PCDHGB1: variants seen among roughly 807,000 people sequenced by gnomAD.
The protein encoded by PCDHGB1 is protocadherin gamma-B1.
In PCDHGB1, 34 loss-of-function variants were observed where a neutral mutation model predicts 56.6. The observed-to-expected ratio is 0.60, with a 90% CI of 0.46 to 0.80. The LOEUF is 0.80. Among genes scored for constraint, PCDHGB1 ranks in the 30% least tolerant of loss-of-function variants. PCDHGB1 has a pLI of 0.00. For synonymous variants in PCDHGB1, 561 were observed against 505.9 expected (o/e 1.11, Z -1.46); for missense variants, 1,278 against 1,204.6 (o/e 1.06, Z -0.90).
chr5:141,447,428 G>A (rs542079336), intron 1 of PCDHGB1, among the ~76,000 whole-genome samples: 4 of 152,182 alleles, frequency 2.6e-5, no homozygotes, highest in East Asian at 1.9e-4. Flanking sequence ...GTGAGCCACC[G>A]CACCCGGAGG....
Position 141,490,772 on chromosome 5 carries a change from C to T in PCDHGB1, c.2410-4035C>T. ...GCCTCCTCCTTTGTGTATGTCAACC[C>T]AGAGGATGGACGGATCTTTGCCCAG... On this transcript the variant is annotated intron_variant, in intron 1 of 3. Coordinates refer to ENST00000523390, the MANE Select transcript of PCDHGB1 (RefSeq NM_018922.3). This position sits in a 1 kb window ranked among gnomAD's most constrained non-coding sequence, Gnocchi z 5.4. 6.2e-7 allele frequency: 1 copy of T among 1,614,164 alleles called. No homozygotes were observed. The highest frequency in any genetic ancestry group is 1.1e-5 in the South Asian group (1 of 91,082).
rs762612048 is a variant in PCDHGB1 at position 141,388,612 on chromosome 5, G to A, written c.2409+35943G>A. The A allele has an allele frequency of 2.5e-5, 40 of 1,613,954 alleles. No homozygotes were observed. The East Asian group carries it at 5.3e-4, about 22-fold the overall frequency. ...GCCAATGATAATGCTCCAGTGTTCAGTCAAGACGTATACAGGGTGAGCCTT... is the reference window on the plus strand; with the variant it reads ...GCCAATGATAATGCTCCAGTGTTCAATCAAGACGTATACAGGGTGAGCCTT... On this transcript the variant is annotated intron_variant, in intron 1 of 3. Coordinates refer to ENST00000523390, the MANE Select transcript of PCDHGB1 (RefSeq NM_018922.3).
chr5:141,388,636 T>G, intron 1 of PCDHGB1: 1 of 1,613,918 alleles, frequency 6.2e-7, no homozygotes. Context: ...AGGGTGAGCC[T>G]TTCAGAAAAC....
intron 2 of PCDHGB1, among the ~76,000 whole-genome samples, chr5:141,495,994 T>C (rs2099765151): frequency 6.6e-6 from 1 of 152,146 alleles, no homozygotes; most frequent in Non-Finnish European, 1.5e-5. Flanking sequence ...ATCTCTCTTT[T>C]TCTTTTATCT....
rs1591273286 is a variant in PCDHGB1, at chr5:141,433,311, T to A, written c.2410-61496T>A. 11 of 870,402 alleles carry A rather than the reference T, an allele frequency of 1.3e-5. No individual in the cohort carries two copies. The East Asian group carries it at 2.9e-4, about 23-fold the overall frequency. 53.9% of individuals were successfully genotyped at this position (870,402 alleles called of 1,614,324 possible). A position where few individuals can be genotyped will look rare whatever the true frequency, so the allele number is the denominator to read the frequency against. On this transcript the variant is annotated intron_variant, in intron 1 of 3. Coordinates refer to ENST00000523390, the MANE Select transcript of PCDHGB1 (RefSeq NM_018922.3). Reference sequence around the variant, plus strand: ...TAGGCTCAAGCAATTATCCCACCTTTGCCTCCGGTGTAACAGGGACTACAG... The same window carrying A: ...TAGGCTCAAGCAATTATCCCACCTTAGCCTCCGGTGTAACAGGGACTACAG...
At chr5:141,475,997 G>A in intron 1 of PCDHGB1, 2 of 1,184,406 alleles carry the variant, frequency 1.7e-6, no homozygotes, top group East Asian at 2.4e-5. Flanking sequence ...CAAATCAACG[G>A]CATCCAGAAA....
intron 1 of PCDHGB1, chr5:141,419,071 A>G: frequency 6.2e-7 from 1 of 1,614,006 alleles, no homozygotes; most frequent in South Asian, 1.1e-5. Flanking sequence ...ACTACAAGCT[A>G]GTAACAGATG....
chr5:141,421,927 C>T (rs1179128418), intron 1 of PCDHGB1: 2 of 1,613,396 alleles, frequency 1.2e-6, no homozygotes, highest in African/African-American at 2.7e-5. Flanking sequence ...TGTGGTGGTC[C>T]TCGATGTAAA....
intron 1 of PCDHGB1, among the ~76,000 whole-genome samples, chr5:141,425,048 T>C (rs1590618422): frequency 6.6e-6 from 1 of 152,350 alleles, no homozygotes; most frequent in African/African-American, 2.4e-5. Flanking sequence ...AAACTGACTA[T>C]CTAGGGCTCG....
chr5:141,364,645 C>T (rs1036042236), intron 1 of PCDHGB1: 2 of 1,613,960 alleles, frequency 1.2e-6, no homozygotes, highest in African/African-American at 2.7e-5. Context: ...GTGTGGTGAA[C>T]TTTAACATCT....
intron 1 of PCDHGB1, chr5:141,428,371 C>A: frequency 5.6e-6 from 3 of 536,772 alleles, no homozygotes; most frequent in Non-Finnish European, 1.0e-5. Flanking sequence ...CGCCTTGCAC[C>A]TGCGATGCTC....
In PCDHGB1 at chr5:141,432,361, G is replaced by A; in HGVS notation, c.2410-62446G>A. 1 of 1,614,230 alleles carries A rather than the reference G, an allele frequency of 6.2e-7. No individual in the cohort carries two copies. Among genetic ancestry groups the A allele is most frequent in the Non-Finnish European group, 8.5e-7 (1 of 1,180,050 alleles). On this transcript the variant is annotated intron_variant, in intron 1 of 3. Coordinates refer to ENST00000523390, the MANE Select transcript of PCDHGB1 (RefSeq NM_018922.3). The surrounding 1 kb of genome is among the most constrained non-coding windows in gnomAD (Gnocchi z 6.0). Reference sequence around the variant, plus strand: ...GAGACTTGCAAGTGAAAGTGATGGCGCGGGACAACGGGCACCCGCCCCTCA... The same window carrying A: ...GAGACTTGCAAGTGAAAGTGATGGCACGGGACAACGGGCACCCGCCCCTCA...
chr5:141,421,535 G>A, intron 1 of PCDHGB1: 7 of 1,614,032 alleles, frequency 4.3e-6, no homozygotes, highest in East Asian at 2.2e-5. Flanking sequence ...GTGTCCTCCT[G>A]TTTTTTAAAT....
In PCDHGB1 at chr5:141,477,718, A is replaced by G; in HGVS notation, c.2410-17089A>G. 6.2e-7 allele frequency: 1 copy of G among 1,613,928 alleles called. No homozygotes were observed. The highest frequency in any genetic ancestry group is 8.5e-7 in the Non-Finnish European group (1 of 1,180,034). On this transcript the variant is annotated intron_variant, in intron 1 of 3. Coordinates refer to ENST00000523390, the MANE Select transcript of PCDHGB1 (RefSeq NM_018922.3). The surrounding 1 kb of genome is among the most constrained non-coding windows in gnomAD (Gnocchi z 4.9). ...ACTATGAGGATCGGCGGGAATTTGA[A>G]TTAACAGCTCATATCAGCGATGGGG...
intron 1 of PCDHGB1, chr5:141,423,675 T>C: frequency 1.3e-6 from 2 of 1,540,488 alleles, no homozygotes; most frequent in Non-Finnish European, 1.7e-6. Flanking sequence ...GATTTATTTC[T>C]CTGCCTCCTA....
chr5:141,375,601 CAT>C, intron 1 of PCDHGB1: 4 of 1,614,206 alleles, frequency 2.5e-6, no homozygotes, highest in Non-Finnish European at 3.4e-6. Context: ...CCTACGTGTC[CAT>C]CAACTCCGAC....
chr5:141,432,416 C>T lies in PCDHGB1; in HGVS notation c.2410-62391C>T. 4 of 1,614,258 alleles carry T rather than the reference C, an allele frequency of 2.5e-6. No individual in the cohort carries two copies. Among genetic ancestry groups the T allele is most frequent in the Non-Finnish European group, 3.4e-6 (4 of 1,180,048 alleles). ...CAACGTGTCGTTGAGCCTGTTCGTG[C>T]TGGACCAGAACGACAATGCGCCCGA... On this transcript the variant is annotated intron_variant, in intron 1 of 3. Coordinates refer to ENST00000523390, the MANE Select transcript of PCDHGB1 (RefSeq NM_018922.3). The surrounding 1 kb of genome is among the most constrained non-coding windows in gnomAD (Gnocchi z 6.0).
At chr5:141,360,616 G>A in intron 1 of PCDHGB1, 1 of 1,614,038 alleles carries the variant, frequency 6.2e-7, no homozygotes, top group Non-Finnish European at 8.5e-7. Context: ...CCTGGATTCA[G>A]ATGTTGGTCC....
intron 1 of PCDHGB1, among the ~76,000 whole-genome samples, chr5:141,381,392 A>G (rs887778756): frequency 6.6e-6 from 1 of 152,096 alleles, no homozygotes; most frequent in Non-Finnish European, 1.5e-5. Flanking sequence ...ATTTAGTTTT[A>G]CTCTATCAAC....
Sources: gnomAD v4.1 joint callset for allele counts (sites outside exome capture counted in the v4.1 genomes callset) on GRCh38, gnomAD v4.1.1 for gene constraint, Gnocchi (gnomAD v3.1) non-coding constraint, MANE v1.5 for transcripts, NCBI Gene and HGNC (gene_info 2026-07-23, HGNC 2026-07-21) for gene names.